The following COL23A1 variants were observed in gnomAD, a reference collection of about 807,000 sequenced individuals.
The protein encoded by COL23A1 is collagen alpha-1(XXIII) chain.
In COL23A1, 97 loss-of-function variants were observed where a neutral mutation model predicts 99.3. The observed-to-expected ratio is 0.98, with a 90% CI of 0.83 to 1.16. COL23A1 has a LOEUF of 1.16. COL23A1 is among the 50% of genes most tolerant of loss of function. The pLI is 0.00. For missense variants in COL23A1, 762 were observed against 757.4 expected (o/e 1.01, Z -0.07); for synonymous variants, 320 against 308.2 (o/e 1.04, Z -0.40).
chr5:178,509,962 G>C (rs993283404), intron 2 of COL23A1, among the ~76,000 whole-genome samples: 1 of 152,200 alleles, frequency 6.6e-6, no homozygotes, highest in Admixed American at 6.5e-5. Context: ...GGGGGGCTGA[G>C]ATCAACATTT....
chr5:178,441,487 C>T (rs1264359884), intron 2 of COL23A1, among the ~76,000 whole-genome samples: 2 of 151,980 alleles, frequency 1.3e-5, no homozygotes, highest in Non-Finnish European at 1.5e-5. Context: ...ACTGCAGAGC[C>T]GGAAACCAAA....
intron 25 of COL23A1, among the ~76,000 whole-genome samples, chr5:178,244,708 G>A (rs1380099110): frequency 1.3e-5 from 2 of 152,250 alleles, no homozygotes; most frequent in Admixed American, 6.5e-5. Context: ...GGATCCATGT[G>A]TTGAACCTCC....
At chr5:178,312,029 C>A (rs376528904) in intron 2 of COL23A1, among the ~76,000 whole-genome samples, 15 of 152,300 alleles carry the variant, frequency 9.8e-5, no homozygotes, top group Middle Eastern at 6.8e-3. Context: ...CCGCGCCCGG[C>A]CTGCGTAACT....
At chr5:178,400,180 C>T in intron 2 of COL23A1, among the ~76,000 whole-genome samples, 1 of 151,998 alleles carries the variant, frequency 6.6e-6, no homozygotes, top group Non-Finnish European at 1.5e-5. Flanking sequence ...TCCTGGCTAA[C>T]ACGGTGAAAC....
intron 2 of COL23A1, among the ~76,000 whole-genome samples, chr5:178,405,339 C>T (rs895625772): frequency 6.6e-6 from 1 of 152,238 alleles, no homozygotes; most frequent in Non-Finnish European, 1.5e-5. Context: ...TAGCTCTGTC[C>T]TCGTTTACAT....
intron 2 of COL23A1, among the ~76,000 whole-genome samples, chr5:178,502,928 C>T (rs560335043): frequency 1.3e-5 from 2 of 152,232 alleles, no homozygotes; most frequent in Admixed American, 6.5e-5. Flanking sequence ...AGCACCAGGA[C>T]TGAATGAGTG....
At chr5:178,344,917 A>T in intron 2 of COL23A1, 4 of 708,366 alleles carry the variant, frequency 5.6e-6, no homozygotes, top group South Asian at 2.7e-5. Context: ...CACGTAGAGA[A>T]TTTGGGTCTC....
intron 2 of COL23A1, among the ~76,000 whole-genome samples, chr5:178,464,127 G>C (rs115447947): frequency 2.8e-3 from 421 of 152,242 alleles, no homozygotes; most frequent in Non-Finnish European, 4.9e-3. Context: ...AAGTGCATCC[G>C]CGATACCTTG....
intron 3 of COL23A1, among the ~76,000 whole-genome samples, chr5:178,301,661 T>C (rs538636911): frequency 7.7e-4 from 117 of 152,392 alleles, no homozygotes; most frequent in Non-Finnish European, 1.4e-3. Context: ...TTTTTTGTCA[T>C]GTGCAGCTAC....
At chr5:178,376,495 T>C (rs10035700) in intron 2 of COL23A1, among the ~76,000 whole-genome samples, 16,851 of 152,254 alleles carry the variant, frequency 0.11, 1,943 homozygotes, top group African/African-American at 0.3. Flanking sequence ...TGCACTGCAT[T>C]GGTGCCCCTG....
At chr5:178,286,676 C>T (rs562683838) in intron 5 of COL23A1, among the ~76,000 whole-genome samples, 3 of 152,352 alleles carry the variant, frequency 2.0e-5, no homozygotes, top group Admixed American at 6.5e-5. Flanking sequence ...GGCCAGCTGC[C>T]GGCACCCAAC....
intron 2 of COL23A1, among the ~76,000 whole-genome samples, chr5:178,453,749 C>T (rs1295993403): frequency 1.3e-5 from 2 of 152,106 alleles, no homozygotes; most frequent in African/African-American, 4.8e-5. Flanking sequence ...TGAAACGACT[C>T]GTTCACAGTC....
At chr5:178,263,346 A>T in intron 8 of COL23A1, 22 bp from the exon 9 acceptor site, 1 of 1,479,786 alleles carries the variant, frequency 6.8e-7, no homozygotes, top group Non-Finnish European at 9.2e-7. Context: ...GGGGCTTGGC[A>T]TGACTCTGAG....
rs1192784811 is a variant in COL23A1, at chr5:178,428,347, C to T, written c.362-121428G>A. Among the ~76,000 whole-genome samples the T allele has an allele frequency of 6.6e-6, 1 of 152,222 alleles. No homozygotes were observed. The highest frequency in any genetic ancestry group is 1.5e-5 in the Non-Finnish European group (1 of 68,044). On this transcript the variant is annotated intron_variant, in intron 2 of 28. Transcript: ENST00000390654. This position sits in a 1 kb window ranked among gnomAD's most constrained non-coding sequence, Gnocchi z 5.0. ...GCCATCCCCTCTAGAACCTGCAGGA[C>T]CATGGAGCCAGCTCTTTGCACGAGG...
chr5:178,526,636 G>C (rs1357957770), intron 2 of COL23A1, among the ~76,000 whole-genome samples: 1 of 152,146 alleles, frequency 6.6e-6, no homozygotes, highest in Non-Finnish European at 1.5e-5. Flanking sequence ...TGCTGCCGTG[G>C]AGCTTCTTGG....
At chr5:178,546,714 A>G (rs749507881) in intron 2 of COL23A1, among the ~76,000 whole-genome samples, 63 of 152,238 alleles carry the variant, frequency 4.1e-4, no homozygotes, top group Non-Finnish European at 4.1e-4. Flanking sequence ...TGCCACAGCC[A>G]GTCCTATTTG....
At chr5:178,479,091 G>A (rs1757187399) in intron 2 of COL23A1, among the ~76,000 whole-genome samples, 1 of 143,294 alleles carries the variant, frequency 7.0e-6, no homozygotes, top group African/African-American at 2.4e-5. Flanking sequence ...AGGACACAAG[G>A]ATCACCCTCA....
chr5:178,373,811 G>A (rs796968201), intron 2 of COL23A1, among the ~76,000 whole-genome samples: 53 of 152,230 alleles, frequency 3.5e-4, no homozygotes, highest in African/African-American at 1.2e-3. Flanking sequence ...TCCCATCCTC[G>A]TCCCAGGGGG....
chr5:178,300,231 G>A (rs1408741098), intron 3 of COL23A1, among the ~76,000 whole-genome samples: 5 of 151,404 alleles, frequency 3.3e-5, no homozygotes, highest in African/African-American at 7.3e-5. Flanking sequence ...CACCATGCCC[G>A]GCTAATTTTT....
Sources: allele counts gnomAD v4.1 joint callset (sites outside exome capture counted in the v4.1 genomes callset), GRCh38; gene constraint gnomAD v4.1.1; non-coding constraint Gnocchi (gnomAD v3.1); transcripts MANE v1.5; gene names NCBI Gene and HGNC (gene_info 2026-07-23, HGNC 2026-07-21).